Variants in ATP2C2 observed in about 807,000 individuals in gnomAD.
ATP2C2 encodes calcium-transporting ATPase type 2C member 2.
A neutral mutation model predicts 110.8 loss-of-function variants in ATP2C2; 171 were observed. That is an observed-to-expected ratio of 1.54 (90% CI 1.36 to 1.75). The LOEUF (loss-of-function observed/expected upper bound fraction) is 1.75, where lower values mean the gene tolerates loss of function less well. Among genes scored for constraint, ATP2C2 ranks in the 40% most tolerant of loss-of-function variants. ATP2C2 has a pLI of 0.00. For synonymous variants in ATP2C2, 804 were observed against 508.4 expected, an observed-to-expected ratio of 1.58 and a Z score of -7.82; for missense variants, 1,963 against 1,235.0, an observed-to-expected ratio of 1.59 and a Z score of -8.84.
At chr16:84,425,399 A>G (rs1167913020) in intron 10 of ATP2C2, among the ~76,000 whole-genome samples, 1 of 152,232 alleles carries the variant, frequency 6.6e-6, no homozygotes, top group East Asian at 1.9e-4. Flanking sequence ...ATTTGCCACA[A>G]CAAACACCAC....
chr16:84,372,406 A>G (rs1910006213), intron 1 of ATP2C2, among the ~76,000 whole-genome samples: 1 of 152,186 alleles, frequency 6.6e-6, no homozygotes, highest in Non-Finnish European at 1.5e-5. Flanking sequence ...ACATGTGGGC[A>G]TCTTCTTAAA....
At chr16:84,419,801 A>G (rs1328957711) in intron 7 of ATP2C2, among the ~76,000 whole-genome samples, 1 of 152,124 alleles carries the variant, frequency 6.6e-6, no homozygotes, top group Admixed American at 6.5e-5. Flanking sequence ...TATAGCCCAG[A>G]GTGACAGACT....
chr16:84,442,903 C>T (rs1909403005), intron 15 of ATP2C2, among the ~76,000 whole-genome samples: 1 of 152,136 alleles, frequency 6.6e-6, no homozygotes, highest in Non-Finnish European at 1.5e-5. Context: ...TGGAACGAGA[C>T]TCCCTATGCA....
intron 10 of ATP2C2, among the ~76,000 whole-genome samples, chr16:84,425,462 T>C (rs1190485202): frequency 2.0e-5 from 3 of 152,334 alleles, no homozygotes; most frequent in South Asian, 2.1e-4. Flanking sequence ...GGGAATAAGA[T>C]GTAAATGCTT....
intron 1 of ATP2C2, among the ~76,000 whole-genome samples, chr16:84,379,736 A>C (rs12934772): frequency 0.14 from 22,048 of 152,222 alleles, 2,091 homozygotes; most frequent in South Asian, 0.27. Context: ...CCTCTTGCAG[A>C]TACTAGAGAC....
intron 24 of ATP2C2, 88 bp downstream of exon 24, chr16:84,460,889 C>T (rs1462924733): frequency 2.7e-6 from 4 of 1,478,870 alleles, no homozygotes; most frequent in Non-Finnish European, 2.7e-6. Flanking sequence ...TGCCACAGCT[C>T]ACATCTGGGA....
At chr16:84,418,790 T>C (rs1907063141) in intron 7 of ATP2C2, among the ~76,000 whole-genome samples, 1 of 152,210 alleles carries the variant, frequency 6.6e-6, no homozygotes, top group African/African-American at 2.4e-5. Context: ...GTTTCCTCCA[T>C]GTATCCGTTG....
intron 11 of ATP2C2, among the ~76,000 whole-genome samples, chr16:84,436,689 G>T (rs538100409): frequency 6.6e-6 from 1 of 151,998 alleles, no homozygotes; most frequent in Non-Finnish European, 1.5e-5. Flanking sequence ...GTGGAGGTTT[G>T]GTGGGGAGGA....
chr16:84,440,113 C>T (rs1482496102), intron 13 of ATP2C2, among the ~76,000 whole-genome samples: 1 of 152,246 alleles, frequency 6.6e-6, no homozygotes, highest in Non-Finnish European at 1.5e-5. Flanking sequence ...GCTGGGATTA[C>T]AGGCGTGAGC....
At position 84,461,780 on chromosome 16, in the gene ATP2C2, G is replaced by A. The variant is rs202116937; in HGVS notation, c.2548G>A (p.Asp850Asn). The change falls in exon 25 of 27, where the codon GAT (aspartate) becomes AAT (asparagine). Residue 850 changes from aspartate (D) to asparagine (N), a missense_variant. By Grantham distance (23) the Asp-to-Asn change is conservative. Transcript: ENST00000262429. Reference protein sequence around the residue: ...TMTFTCFVFFDLFNALTCRSQ... With the variant: ...TMTFTCFVFFNLFNALTCRSQ... ...GACGTTCACTTGTTTTGTGTTTTTC[G>A]ATCTCTTCAACGCCTTGACCTGCCG... 2.5e-6 allele frequency: 4 copies of A among 1,614,034 alleles called. No homozygotes were observed. Among genetic ancestry groups the A allele is most frequent in the African/African-American group, 1.3e-5 (1 of 74,894 alleles).
rs148850502 is a variant in ATP2C2 at position 84,411,481 on chromosome 16, G to A, written c.515+716G>A. On this transcript the variant is annotated intron_variant, in intron 6 of 26. Coordinates refer to ENST00000262429, the MANE Select transcript of ATP2C2 (RefSeq NM_014861.4). ...TTTTAAGATAGAGTCTTGCTCTGTC[G>A]CCCAGGCTGGAGTGCAGTGGCACAA... Among the ~76,000 whole-genome samples, 551 of 152,138 alleles carry A rather than the reference G, an allele frequency of 3.6e-3. 2 individuals carry two copies. The highest frequency in any genetic ancestry group is 0.012 in the African/African-American group (489 of 41,498).
chr16:84,381,558 C>T (rs1910579988), intron 1 of ATP2C2, among the ~76,000 whole-genome samples: 1 of 151,950 alleles, frequency 6.6e-6, no homozygotes, highest in African/African-American at 2.4e-5. Context: ...GCCTGGACGA[C>T]AGAGCAAGAC....
chr16:84,390,498 A>G (rs1173689642), intron 1 of ATP2C2, among the ~76,000 whole-genome samples: 1 of 152,192 alleles, frequency 6.6e-6, no homozygotes, highest in Non-Finnish European at 1.5e-5. Context: ...GCGTGGGTCT[A>G]TCTGCAGCAG....
chr16:84,433,008 C>G (rs797022691), intron 11 of ATP2C2, among the ~76,000 whole-genome samples: 2 of 152,040 alleles, frequency 1.3e-5, no homozygotes, highest in Admixed American at 1.3e-4. Flanking sequence ...GCAGGGGTGG[C>G]GGCAGGGAGG....
chr16:84,437,752 G>A (rs1310786574), intron 11 of ATP2C2, among the ~76,000 whole-genome samples: 1 of 152,118 alleles, frequency 6.6e-6, no homozygotes, highest in African/African-American at 2.4e-5. Flanking sequence ...CTGACCTCAG[G>A]TGATCTGCCC....
intron 7 of ATP2C2, among the ~76,000 whole-genome samples, chr16:84,422,016 G>A (rs1316026810): frequency 6.6e-6 from 1 of 152,168 alleles, no homozygotes; most frequent in Non-Finnish European, 1.5e-5. Context: ...TATTGTGTGG[G>A]ATTGTGTGGG....
chr16:84,376,349 G>A (rs889739), intron 1 of ATP2C2, among the ~76,000 whole-genome samples: 151,155 of 152,260 alleles, frequency 0.99, 75,031 homozygotes, highest in Middle Eastern at 1. Flanking sequence ...TCTGTCTTCT[G>A]TGATCTCTCC....
chr16:84,431,545 G>A (rs1420205225), intron 11 of ATP2C2, among the ~76,000 whole-genome samples: 1 of 152,058 alleles, frequency 6.6e-6, no homozygotes, highest in African/African-American at 2.4e-5. Context: ...GAGGTGGCCA[G>A]GGAGGGTTAT....
intron 18 of ATP2C2, 132 bp downstream of exon 18, chr16:84,452,223 G>GA (rs1229868382): frequency 7.2e-6 from 8 of 1,114,116 alleles, no homozygotes; most frequent in African/African-American, 1.6e-5. Context: ...GCTTAGAAAA[G>GA]ACGCTGAGTA....
Sources: allele counts gnomAD v4.1 joint callset (sites outside exome capture counted in the v4.1 genomes callset), GRCh38; gene constraint gnomAD v4.1.1; transcripts MANE v1.5; gene names NCBI Gene and HGNC (gene_info 2026-07-23, HGNC 2026-07-21).